ITGBL1: variants seen among roughly 807,000 people sequenced by gnomAD.
ITGBL1 encodes the protein integrin subunit beta like 1.
A neutral mutation model predicts 68.5 loss-of-function variants in ITGBL1; 51 were observed. The observed-to-expected ratio is 0.74, with a 90% CI of 0.59 to 0.94. ITGBL1 has a LOEUF of 0.94. Among genes scored for constraint, ITGBL1 ranks in the 40% least tolerant of loss-of-function variants. ITGBL1 has a pLI of 0.00. For synonymous variants in ITGBL1, 209 were observed against 227.3 expected (o/e 0.92, Z 0.72); for missense variants, 649 against 647.4 (o/e 1.00, Z -0.03).
At chr13:101,525,669 A>C (rs1473616638) in intron 2 of ITGBL1, among the ~76,000 whole-genome samples, 2 of 152,070 alleles carry the variant, frequency 1.3e-5, no homozygotes, top group East Asian at 3.9e-4. Context: ...AATACTTGCA[A>C]TCAGTGATGT....
intron 2 of ITGBL1, among the ~76,000 whole-genome samples, chr13:101,505,675 T>C (rs1242995271): frequency 2.6e-5 from 4 of 152,212 alleles, no homozygotes; most frequent in Admixed American, 2.6e-4. Flanking sequence ...GCAAAAGATC[T>C]GAGGTTTCTA....
At chr13:101,476,983 T>C (rs1442504140) in intron 2 of ITGBL1, among the ~76,000 whole-genome samples, 2 of 152,140 alleles carry the variant, frequency 1.3e-5, no homozygotes, top group East Asian at 3.8e-4. Flanking sequence ...TAATCTGCAC[T>C]ACAGACCAAT....
At chr13:101,628,301 T>C (rs997354610) in intron 7 of ITGBL1, among the ~76,000 whole-genome samples, 2 of 152,212 alleles carry the variant, frequency 1.3e-5, no homozygotes, top group African/African-American at 4.8e-5. Context: ...TTTTCTCTTA[T>C]TGTTGAGTTT....
intron 7 of ITGBL1, among the ~76,000 whole-genome samples, chr13:101,665,432 A>G (rs2033191564): frequency 6.6e-6 from 1 of 151,980 alleles, no homozygotes; most frequent in African/African-American, 2.4e-5. Context: ...GTTTGTTTCT[A>G]CTATATAAAA....
At chr13:101,533,981 G>T (rs2049526953) in intron 2 of ITGBL1, among the ~76,000 whole-genome samples, 2 of 152,072 alleles carry the variant, frequency 1.3e-5, no homozygotes, top group Non-Finnish European at 2.9e-5. Flanking sequence ...AGCCACTAAG[G>T]AAACAAAGAA....
chr13:101,453,908 C>G lies in ITGBL1; in HGVS notation c.124C>G (p.Leu42Val). Residue 42 changes from leucine to valine, a missense_variant, in exon 2 of 11, where the codon CTG becomes GTG. Leu to Val is a conservative substitution (Grantham distance 32). Transcript: ENST00000376180. ...GAGCTGGCCGGGCGCCGCCTGCAGGCTGTCCCGGGCCGAGTCGGAGCGACG... is the reference window on the plus strand; with the variant it reads ...GAGCTGGCCGGGCGCCGCCTGCAGGGTGTCCCGGGCCGAGTCGGAGCGACG... ...LRSWPGAACR[L>V]SRAESERRCR... 4.0e-6 allele frequency: 5 copies of G among 1,265,382 alleles called. No individual in the cohort carries two copies. The highest frequency in any genetic ancestry group is 5.0e-6 in the Non-Finnish European group (5 of 1,006,192). 78.4% of individuals were successfully genotyped at this position (1,265,382 alleles called of 1,614,324 possible). A position where few individuals can be genotyped will look rare whatever the true frequency, so the allele number is the denominator to read the frequency against.
chr13:101,591,656 T>C (rs2050656763), intron 6 of ITGBL1, among the ~76,000 whole-genome samples: 1 of 152,184 alleles, frequency 6.6e-6, no homozygotes, highest in Non-Finnish European at 1.5e-5. Context: ...ATTAGTAAAA[T>C]GGTCTAGTCT....
At chr13:101,494,708 G>C (rs999643795) in intron 2 of ITGBL1, among the ~76,000 whole-genome samples, 10 of 152,282 alleles carry the variant, frequency 6.6e-5, no homozygotes, top group Middle Eastern at 3.4e-3. Flanking sequence ...TCATTAAAAT[G>C]ATGAGTATGA....
Position 101,715,837 on chromosome 13 carries a change from AAAT to A in ITGBL1, c.*186_*188del. The A allele has an allele frequency of 2.1e-6, 1 of 471,028 alleles. No homozygotes were observed. Among genetic ancestry groups the A allele is most frequent in the Non-Finnish European group, 3.8e-6 (1 of 262,558 alleles). 29.2% of individuals were successfully genotyped at this position (471,028 alleles called of 1,614,324 possible). A position where few individuals can be genotyped will look rare whatever the true frequency, so the allele number is the denominator to read the frequency against. On this transcript the variant is annotated 3_prime_UTR_variant, in exon 11 of 11. Transcript: ENST00000376180. ...AAATGAGTTATGCAAATTTAGATGC[AAAT>A]AACATTAGAAAAAAAAGATTCTTCC...
At chr13:101,598,982 C>A (rs2030178568) in intron 7 of ITGBL1, among the ~76,000 whole-genome samples, 2 of 152,164 alleles carry the variant, frequency 1.3e-5, no homozygotes, top group South Asian at 4.1e-4. Flanking sequence ...AATGGTATTT[C>A]TAGTTCTAGA....
intron 7 of ITGBL1, among the ~76,000 whole-genome samples, chr13:101,655,028 G>A (rs138056792): frequency 2.0e-5 from 3 of 152,230 alleles, no homozygotes; most frequent in African/African-American, 7.2e-5. Flanking sequence ...AGGAGAAGGG[G>A]CCACGAGGAA....
intron 2 of ITGBL1, among the ~76,000 whole-genome samples, chr13:101,527,608 T>A (rs901757979): frequency 6.7e-5 from 5 of 74,458 alleles, no homozygotes; most frequent in African/African-American, 5.5e-5. Context: ...TAGAAGAAAC[T>A]GCGAAACAGT....
At chr13:101,701,511 C>T (rs989851234) in intron 8 of ITGBL1, among the ~76,000 whole-genome samples, 3 of 151,960 alleles carry the variant, frequency 2.0e-5, no homozygotes, top group African/African-American at 7.2e-5. Flanking sequence ...AGCCTGGTGA[C>T]AGAGCAAGAC....
chr13:101,534,213 C>G (rs570750123), intron 2 of ITGBL1, among the ~76,000 whole-genome samples: 1 of 152,154 alleles, frequency 6.6e-6, no homozygotes, highest in South Asian at 2.1e-4. Flanking sequence ...AGGGGAGAAC[C>G]ATTAATGGGT....
At chr13:101,633,952 T>C (rs117629177) in intron 7 of ITGBL1, among the ~76,000 whole-genome samples, 2,376 of 152,288 alleles carry the variant, frequency 0.016, 22 homozygotes, top group Non-Finnish European at 0.025. Flanking sequence ...GGAAAAGATT[T>C]ATTTCAAATG....
intron 2 of ITGBL1, among the ~76,000 whole-genome samples, chr13:101,553,207 C>T (rs2049949072): frequency 6.6e-6 from 1 of 152,160 alleles, no homozygotes; most frequent in Non-Finnish European, 1.5e-5. Flanking sequence ...TTCTTTCCTA[C>T]TGCCTTTAGA....
intron 7 of ITGBL1, among the ~76,000 whole-genome samples, chr13:101,655,497 G>A (rs11617501): frequency 1.2e-3 from 181 of 152,314 alleles, no homozygotes; most frequent in South Asian, 2.7e-3. Context: ...GGGAACCACA[G>A]CATTGGAATT....
chr13:101,712,162 C>T (rs1486418034), intron 9 of ITGBL1: 2 of 152,154 alleles, frequency 1.3e-5, no homozygotes, highest in East Asian at 1.9e-4. Flanking sequence ...GTTCTAGTTT[C>T]ACAAGCAGTA....
chr13:101,541,559 C>G (rs1490187202), intron 2 of ITGBL1, among the ~76,000 whole-genome samples: 1 of 152,152 alleles, frequency 6.6e-6, no homozygotes, highest in Non-Finnish European at 1.5e-5. Context: ...CAGGATGATG[C>G]TGGCCTCATA....
Sources: gnomAD v4.1 joint callset for allele counts (sites outside exome capture counted in the v4.1 genomes callset) on GRCh38, gnomAD v4.1.1 for gene constraint, MANE v1.5 for transcripts, NCBI Gene and HGNC (gene_info 2026-07-23, HGNC 2026-07-21) for gene names.